DLGAP1: variants seen among roughly 807,000 people sequenced by gnomAD.
DLGAP1 encodes DLG associated protein 1, also known as disks large-associated protein 1.
DLGAP1 carries 11 observed loss-of-function variants against 90.8 expected under a neutral mutation model. That is an observed-to-expected ratio of 0.12 (90% confidence interval 0.08 to 0.20). The LOEUF (loss-of-function observed/expected upper bound fraction) is 0.20, where lower values mean the gene tolerates loss of function less well. Among genes scored for constraint, DLGAP1 ranks in the 10% least tolerant of loss-of-function variants. The pLI is 1.00. For missense variants in DLGAP1, 1,050 were observed against 1,333.8 expected (o/e 0.79, Z 3.31); for synonymous variants, 558 against 540.7 (o/e 1.03, Z -0.44).
Position 4,116,368 on chromosome 18 carries a change from C to T in DLGAP1, c.-159+34812G>A, listed in dbSNP as rs141046489. Among the ~76,000 whole-genome samples, 615 of 152,244 alleles carry T rather than the reference C, an allele frequency of 4.0e-3. 4 individuals carry two copies. The highest frequency in any genetic ancestry group is 0.014 in the African/African-American group (577 of 41,566). ...ACTTGGAGTTTATTGAGCTTCTTGA[C>T]TCTGTAGAAAAATGCTTTTCATCAT... is the stretch of plus-strand genomic sequence containing the variant. On this transcript the variant is annotated intron_variant, in intron 2 of 12. Transcript: ENST00000315677.
intron 2 of DLGAP1, among the ~76,000 whole-genome samples, chr18:4,063,027 G>T (rs1020280388): frequency 6.6e-6 from 1 of 151,998 alleles, no homozygotes. Context: ...TCATCCAGGT[G>T]TATTAATGCT....
At chr18:4,233,812 G>C (rs2078348381) in intron 1 of DLGAP1, among the ~76,000 whole-genome samples, 1 of 152,080 alleles carries the variant, frequency 6.6e-6, no homozygotes, top group Non-Finnish European at 1.5e-5. Context: ...CATCACAGGG[G>C]ATCTGAGAAA....
intron 2 of DLGAP1, among the ~76,000 whole-genome samples, chr18:4,137,403 T>C (rs1016990296): frequency 6.6e-6 from 1 of 152,198 alleles, no homozygotes; most frequent in African/African-American, 2.4e-5. Flanking sequence ...ATATATGTTC[T>C]TGGTACCTTT....
chr18:4,033,804 A>G (rs2074839592), intron 2 of DLGAP1, among the ~76,000 whole-genome samples: 1 of 151,038 alleles, frequency 6.6e-6, no homozygotes, highest in South Asian at 2.1e-4. Context: ...CAATGGTGCA[A>G]TCTCGGCTCA....
chr18:3,989,061 T>C (rs776216333), intron 3 of DLGAP1, among the ~76,000 whole-genome samples: 28 of 152,074 alleles, frequency 1.8e-4, no homozygotes, highest in Non-Finnish European at 4.0e-4. Flanking sequence ...TCCGAGGCAA[T>C]GGGTTGCTCG....
chr18:4,375,692 A>G (rs1321150889), intron 1 of DLGAP1, among the ~76,000 whole-genome samples: 2 of 152,162 alleles, frequency 1.3e-5, no homozygotes, highest in South Asian at 2.1e-4. Context: ...TAAACATCAT[A>G]CTAGTCTGTA....
intron 1 of DLGAP1, among the ~76,000 whole-genome samples, chr18:4,311,483 G>GT (rs1329161632): frequency 2.5e-4 from 38 of 152,234 alleles, no homozygotes; most frequent in African/African-American, 8.9e-4. Context: ...TTAATACCAG[G>GT]TTTTTAATAT....
At chr18:4,232,350 G>A (rs968182505) in intron 1 of DLGAP1, among the ~76,000 whole-genome samples, 2 of 152,018 alleles carry the variant, frequency 1.3e-5, no homozygotes, top group East Asian at 1.9e-4. Flanking sequence ...TCTTTACATA[G>A]GAGAGAAATT....
chr18:4,371,652 A>G (rs1203789109), intron 1 of DLGAP1, among the ~76,000 whole-genome samples: 4 of 152,224 alleles, frequency 2.6e-5, no homozygotes, highest in Non-Finnish European at 5.9e-5. Flanking sequence ...ATCTAAGTCT[A>G]TTAGGAATAA....
chr18:3,632,938 T>C (rs2058576656), intron 7 of DLGAP1, among the ~76,000 whole-genome samples: 1 of 152,172 alleles, frequency 6.6e-6, no homozygotes, highest in South Asian at 2.1e-4. Context: ...TGTTTTGAGT[T>C]GAGATGGGGA....
At chr18:4,349,747 A>C (rs975385460) in intron 1 of DLGAP1, among the ~76,000 whole-genome samples, 11 of 152,226 alleles carry the variant, frequency 7.2e-5, no homozygotes, top group South Asian at 2.1e-4. Flanking sequence ...TAGTGAAAAA[A>C]TGTATTCTAA....
chr18:4,005,287 C>T (rs1028846562), intron 2 of DLGAP1, 86 bp from the exon 3 acceptor site: 2 of 152,136 alleles, frequency 1.3e-5, no homozygotes, highest in East Asian at 3.9e-4. Flanking sequence ...AATTTAGGAG[C>T]GCCCTATGAC....
chr18:3,936,136 C>T (rs1005082958), intron 3 of DLGAP1, among the ~76,000 whole-genome samples: 1 of 152,194 alleles, frequency 6.6e-6, no homozygotes, highest in Non-Finnish European at 1.5e-5. Flanking sequence ...TCTGCCACAT[C>T]AGCCTCCTAC....
At chr18:3,655,824 G>A (rs1056738846) in intron 7 of DLGAP1, 12 of 411,756 alleles carry the variant, frequency 2.9e-5, no homozygotes, top group Non-Finnish European at 4.8e-5. Context: ...GACGAGCACC[G>A]GCTCCGAGGC....
At chr18:4,364,026 A>G (rs2081695853) in intron 1 of DLGAP1, among the ~76,000 whole-genome samples, 1 of 151,770 alleles carries the variant, frequency 6.6e-6, no homozygotes. Flanking sequence ...ACAATGATAG[A>G]CTGGATTAAG....
At chr18:3,563,403 T>C (rs753262796) in intron 9 of DLGAP1, among the ~76,000 whole-genome samples, 6 of 152,162 alleles carry the variant, frequency 3.9e-5, no homozygotes, top group Non-Finnish European at 7.4e-5. Flanking sequence ...TCCTCTCTCA[T>C]GTAAAGTTAC....
chr18:4,316,752 G>A (rs2080537935), intron 1 of DLGAP1, among the ~76,000 whole-genome samples: 1 of 152,152 alleles, frequency 6.6e-6, no homozygotes, highest in African/African-American at 2.4e-5. Flanking sequence ...ACTGTACTGT[G>A]CCCCGATGTG....
At chr18:3,627,875 C>CTTTTT (rs34874244) in intron 7 of DLGAP1, among the ~76,000 whole-genome samples, 5 of 90,100 alleles carry the variant, frequency 5.5e-5, no homozygotes, top group Admixed American at 1.3e-4. Flanking sequence ...TCCTTCCTTC[C>CTTTTT]TTTTTTTTTT....
rs72867907 is a variant in DLGAP1 at position 4,451,730 on chromosome 18, T to C, written c.-267+3276A>G. On this transcript the variant is annotated intron_variant, in intron 1 of 12. Transcript: ENST00000315677. ...AGAGAACTAGTAGCACTTAGGATCTTAGGAAATAAAACAGCTCAAGATATG... is the reference window on the plus strand; with the variant it reads ...AGAGAACTAGTAGCACTTAGGATCTCAGGAAATAAAACAGCTCAAGATATG... Among the ~76,000 whole-genome samples the C allele has an allele frequency of 4.2e-3, 645 of 152,290 alleles. 3 individuals are homozygous for C. The highest frequency in any genetic ancestry group is 7.9e-3 in the Non-Finnish European group (539 of 68,008).
Sources: gnomAD v4.1 joint callset for allele counts (sites outside exome capture counted in the v4.1 genomes callset) on GRCh38, gnomAD v4.1.1 for gene constraint, MANE v1.5 for transcripts, NCBI Gene and HGNC (gene_info 2026-07-23, HGNC 2026-07-21) for gene names.